The following CSMD1 variants were observed in gnomAD, a reference collection of about 807,000 sequenced individuals.
The protein encoded by CSMD1 is CUB and sushi domain-containing protein 1.
Under a neutral mutation model 417.5 loss-of-function variants are expected in CSMD1, and 213 were observed. The ratio of observed to expected loss-of-function variants is 0.51; its 90% CI spans 0.46 to 0.57. CSMD1 has a LOEUF of 0.57. Ranked by LOEUF, CSMD1 falls within the 20% of genes least tolerant of loss-of-function variation. The probability of loss-of-function intolerance (pLI) is 0.00; values close to 1 mark genes in which losing one functional copy is unlikely to be tolerated. For missense variants in CSMD1, 6,923 were observed against 4,529.7 expected, an observed-to-expected ratio of 1.53 and a Z score of -15.17; for synonymous variants, 2,862 against 1,736.8, an observed-to-expected ratio of 1.65 and a Z score of -16.11.
At chr8:4,325,589 T>A (rs1162908042) in intron 3 of CSMD1, among the ~76,000 whole-genome samples, 9 of 152,144 alleles carry the variant, frequency 5.9e-5, no homozygotes, top group Non-Finnish European at 5.9e-5. Context: ...GTAAGAATTA[T>A]TATAGTAGGC....
intron 10 of CSMD1, among the ~76,000 whole-genome samples, chr8:3,544,212 G>A (rs1798561959): frequency 1.3e-5 from 2 of 151,974 alleles, no homozygotes; most frequent in African/African-American, 2.4e-5. Context: ...GATTGATAAC[G>A]TTTACTAAAC....
At chr8:4,184,109 A>G (rs1299847729) in intron 3 of CSMD1, among the ~76,000 whole-genome samples, 1 of 152,238 alleles carries the variant, frequency 6.6e-6, no homozygotes, top group Non-Finnish European at 1.5e-5. Context: ...TAGGAATGTT[A>G]ACTATAATTT....
chr8:3,916,326 T>C (rs1159138994), intron 5 of CSMD1, among the ~76,000 whole-genome samples: 1 of 152,270 alleles, frequency 6.6e-6, no homozygotes, highest in Non-Finnish European at 1.5e-5. Context: ...ACGCCGGATA[T>C]TTATATAGCA....
chr8:2,973,066 G>C, intron 57 of CSMD1, 51 bp downstream of exon 57: 1 of 1,557,528 alleles, frequency 6.4e-7, no homozygotes, highest in South Asian at 1.2e-5. Context: ...TTTAGAACGA[G>C]CTGTGTGGTT....
At chr8:3,822,411 T>G (rs889478033) in intron 5 of CSMD1, among the ~76,000 whole-genome samples, 6 of 152,310 alleles carry the variant, frequency 3.9e-5, no homozygotes, top group African/African-American at 7.2e-5. Context: ...CCTTGGGCAT[T>G]TTTTAGGTTG....
At chr8:4,488,968 G>C (rs1187275181) in intron 2 of CSMD1, among the ~76,000 whole-genome samples, 1 of 152,158 alleles carries the variant, frequency 6.6e-6, no homozygotes, top group Non-Finnish European at 1.5e-5. Flanking sequence ...CTGAAGTGCA[G>C]TGGCGCGATC....
At chr8:3,153,591 T>A (rs548064772) in intron 39 of CSMD1, among the ~76,000 whole-genome samples, 1 of 152,222 alleles carries the variant, frequency 6.6e-6, no homozygotes, top group South Asian at 2.1e-4. Context: ...TACTAAAAAG[T>A]TCCTTTTGAT....
intron 3 of CSMD1, among the ~76,000 whole-genome samples, chr8:4,178,063 C>G (rs1365051703): frequency 6.6e-6 from 1 of 152,124 alleles, no homozygotes; most frequent in Non-Finnish European, 1.5e-5. Flanking sequence ...AGAGGGCACC[C>G]TCACTAACTC....
At chr8:3,860,497 C>G (rs907462808) in intron 5 of CSMD1, among the ~76,000 whole-genome samples, 2 of 151,958 alleles carry the variant, frequency 1.3e-5, no homozygotes, top group African/African-American at 2.4e-5. Context: ...ACTTGAAGTT[C>G]CTTTATGCAA....
intron 22 of CSMD1, among the ~76,000 whole-genome samples, chr8:3,346,039 G>A (rs965470892): frequency 5.3e-5 from 8 of 152,088 alleles, no homozygotes; most frequent in African/African-American, 1.9e-4. Flanking sequence ...CAGTATGTGC[G>A]AAGGATCAAT....
chr8:4,713,695 C>T lies in CSMD1; in HGVS notation c.86-76137G>A, dbSNP rs368187377. On this transcript the variant is annotated intron_variant, in intron 1 of 69. Transcript: ENST00000635120. ...CAGGACCCAGAGCTCCAGCTGCTCG[C>T]CACTGCCTCACGGCCTCCTCCCCAA... Among the ~76,000 whole-genome samples the T allele has an allele frequency of 6.6e-5, 10 of 152,306 alleles. No individual in the cohort carries two copies. In the East Asian group the frequency reaches 1.9e-3, roughly 29 times the overall value.
chr8:4,177,973 G>A (rs1349484338), intron 3 of CSMD1, among the ~76,000 whole-genome samples: 1 of 152,130 alleles, frequency 6.6e-6, no homozygotes, highest in Non-Finnish European at 1.5e-5. Flanking sequence ...AGGATCATAT[G>A]GACTCACAGC....
At chr8:3,347,905 A>G in intron 22 of CSMD1, 87 bp downstream of exon 22, 1 of 806,354 alleles carries the variant, frequency 1.2e-6, no homozygotes, top group Non-Finnish European at 1.9e-6. Flanking sequence ...TAATATGTGC[A>G]TATATCTATA....
chr8:3,485,920 C>G (rs1231547846), intron 11 of CSMD1, among the ~76,000 whole-genome samples: 1 of 152,036 alleles, frequency 6.6e-6, no homozygotes, highest in Non-Finnish European at 1.5e-5. Flanking sequence ...CAAAACATTT[C>G]CACTGGAGAT....
At chr8:3,675,565 G>C (rs1184965674) in intron 7 of CSMD1, among the ~76,000 whole-genome samples, 1 of 151,930 alleles carries the variant, frequency 6.6e-6, no homozygotes, top group East Asian at 1.9e-4. Context: ...GAAGTGATTT[G>C]GTTTACATGC....
At chr8:3,986,159 G>C (rs766145793) in intron 5 of CSMD1, among the ~76,000 whole-genome samples, 3 of 152,076 alleles carry the variant, frequency 2.0e-5, no homozygotes, top group Admixed American at 6.5e-5. Flanking sequence ...TCACCTTAAA[G>C]TCTCTCCAAA....
At chr8:4,808,081 C>G (rs1563451582) in intron 1 of CSMD1, among the ~76,000 whole-genome samples, 1 of 152,162 alleles carries the variant, frequency 6.6e-6, no homozygotes, top group Admixed American at 6.5e-5. Context: ...GCTCAATGTC[C>G]TTATTAGCAT....
chr8:3,956,370 G>C (rs1244285629), intron 5 of CSMD1, among the ~76,000 whole-genome samples: 1 of 152,178 alleles, frequency 6.6e-6, no homozygotes, highest in African/African-American at 2.4e-5. Flanking sequence ...AGAACAATTA[G>C]AAGTGAGAGA....
chr8:3,289,452 A>G (rs1803389234), intron 25 of CSMD1, among the ~76,000 whole-genome samples: 1 of 147,402 alleles, frequency 6.8e-6, no homozygotes, highest in Admixed American at 6.7e-5. Flanking sequence ...ACAGTGTAAA[A>G]GTGTTCCTAT....
Sources: gnomAD v4.1 joint callset for allele counts (sites outside exome capture counted in the v4.1 genomes callset) on GRCh38, gnomAD v4.1.1 for gene constraint, MANE v1.5 for transcripts, NCBI Gene and HGNC (gene_info 2026-07-23, HGNC 2026-07-21) for gene names.